Variants in ST7 observed in about 807,000 individuals in gnomAD.
ST7 encodes suppression of tumorigenicity 7.
ST7 carries 28 observed loss-of-function variants against 78.7 expected under a neutral mutation model. The observed-to-expected ratio is 0.36, with a 90% CI of 0.26 to 0.49. The LOEUF is 0.49. ST7 is among the 20% of genes least tolerant of loss of function. ST7 has a pLI of 0.99. For synonymous variants in ST7, 247 were observed against 249.6 expected (o/e 0.99, Z 0.10); for missense variants, 418 against 696.0 (o/e 0.60, Z 4.49).
chr7:117,013,405 C>T (rs888648765), intron 1 of ST7, among the ~76,000 whole-genome samples: 2 of 152,164 alleles, frequency 1.3e-5, no homozygotes, highest in African/African-American at 4.8e-5. Context: ...GCAACAGTGA[C>T]AGGTGAAGTT....
intron 10 of ST7, among the ~76,000 whole-genome samples, chr7:117,176,973 C>T (rs1199496622): frequency 1.3e-5 from 2 of 152,174 alleles, no homozygotes; most frequent in African/African-American, 4.8e-5. Flanking sequence ...TCATGGTTAC[C>T]AGGCAAGTGC....
intron 15 of ST7, among the ~76,000 whole-genome samples, chr7:117,228,801 G>A (rs137937980): frequency 6.6e-6 from 1 of 150,484 alleles, no homozygotes; most frequent in African/African-American, 2.4e-5. Flanking sequence ...TAGTGTAGAT[G>A]GTGCTGTGTA....
Position 117,116,288 on chromosome 7 carries a change from G to T in ST7, c.235-3273G>T, listed in dbSNP as rs192450991. On this transcript the variant is annotated intron_variant, in intron 2 of 15. Coordinates refer to ENST00000323984, the MANE Select transcript of ST7 (RefSeq NM_001369598.1). ...AAACTGTTTTGTTCCACTGTGACAG[G>T]CCCACTGAGCTACTAGCATGTCCAA... Among the ~76,000 whole-genome samples the T allele has an allele frequency of 1.1e-4, 16 of 152,162 alleles. No homozygotes were observed. The East Asian group carries it at 2.5e-3, about 24-fold the overall frequency.
intron 1 of ST7, among the ~76,000 whole-genome samples, chr7:117,049,146 T>C (rs1409703091): frequency 1.3e-5 from 2 of 152,182 alleles, no homozygotes; most frequent in Non-Finnish European, 2.9e-5. Flanking sequence ...GCTTTATAGG[T>C]AAGGGCAGTC....
intron 9 of ST7, among the ~76,000 whole-genome samples, chr7:117,165,885 C>T (rs186142373): frequency 1.3e-4 from 20 of 152,266 alleles, no homozygotes; most frequent in Admixed American, 6.5e-5. Context: ...GAACTGAAAG[C>T]TGTTCTATGC....
At chr7:117,132,522 A>G (rs1474200577) in intron 6 of ST7, among the ~76,000 whole-genome samples, 5 of 151,790 alleles carry the variant, frequency 3.3e-5, no homozygotes, top group African/African-American at 1.2e-4. Flanking sequence ...TTGGAGTCAT[A>G]AAAACTCAGG....
At chr7:117,142,966 GGTGT>G (rs1805451687) in intron 9 of ST7, among the ~76,000 whole-genome samples, 1 of 152,002 alleles carries the variant, frequency 6.6e-6, no homozygotes, top group South Asian at 2.1e-4. Flanking sequence ...CCTTAGTGTG[GGTGT>G]AAGCCTCTGA....
intron 11 of ST7, among the ~76,000 whole-genome samples, chr7:117,189,781 G>A (rs982118174): frequency 2.0e-5 from 3 of 152,170 alleles, no homozygotes; most frequent in Non-Finnish European, 4.4e-5. Flanking sequence ...GAATGTGGCA[G>A]ACAGGATGGT....
intron 1 of ST7, among the ~76,000 whole-genome samples, chr7:116,990,471 AT>A (rs139273798): frequency 1.3e-5 from 2 of 152,324 alleles, no homozygotes; most frequent in Non-Finnish European, 2.9e-5. Context: ...GGGAAACAAC[AT>A]TTTAAAAAAT....
chr7:117,161,739 A>G lies in ST7; in HGVS notation c.964-9123A>G, dbSNP rs182220370. Among the ~76,000 whole-genome samples the G allele has an allele frequency of 2.4e-3, 363 of 151,894 alleles. 2 individuals carry two copies. Among genetic ancestry groups the G allele is most frequent in the African/African-American group, 8.1e-3 (336 of 41,434 alleles). The stretch of plus-strand genomic sequence containing the variant: ...CTCAGCCTCCCAAGTAGCTGGGATT[A>G]CAGGTGTGAGCCATCACATCCAGCC... On this transcript the variant is annotated intron_variant, in intron 9 of 15. Transcript: ENST00000323984.
chr7:117,225,261 A>C (rs1793365013), intron 15 of ST7, among the ~76,000 whole-genome samples: 1 of 152,178 alleles, frequency 6.6e-6, no homozygotes, highest in South Asian at 2.1e-4. Flanking sequence ...TTTGGTTTTG[A>C]GTATAGCATC....
At chr7:117,094,744 G>T (rs184665728) in intron 1 of ST7, among the ~76,000 whole-genome samples, 2 of 152,250 alleles carry the variant, frequency 1.3e-5, no homozygotes, top group Non-Finnish European at 2.9e-5. Context: ...TGGTGACTGG[G>T]TCTCCTATTC....
At chr7:117,130,686 C>T in intron 5 of ST7, 80 bp downstream of exon 5, 2 of 907,254 alleles carry the variant, frequency 2.2e-6, no homozygotes, top group South Asian at 3.1e-5. Flanking sequence ...AGAATATCCA[C>T]TCTGTAAAAC....
At chr7:117,222,375 G>A (rs553336031) in intron 15 of ST7, among the ~76,000 whole-genome samples, 31 of 152,148 alleles carry the variant, frequency 2.0e-4, no homozygotes, top group Non-Finnish European at 4.0e-4. Flanking sequence ...GAAGTTACTC[G>A]GTTTTCTGTA....
chr7:117,014,887 T>C (rs1049764377), intron 1 of ST7: 6 of 823,910 alleles, frequency 7.3e-6, no homozygotes, highest in Admixed American at 8.3e-5. Flanking sequence ...GTGTGCTTCA[T>C]GTCACATGGC....
intron 4 of ST7, 113 bp from the exon 5 acceptor site, chr7:117,130,378 C>A: frequency 4.9e-6 from 3 of 612,006 alleles, no homozygotes; most frequent in Non-Finnish European, 8.0e-6. Context: ...ATTAGCAAAG[C>A]TATTTTAGTA....
intron 1 of ST7, among the ~76,000 whole-genome samples, chr7:117,044,839 A>C (rs1352954426): frequency 6.6e-6 from 1 of 152,148 alleles, no homozygotes; most frequent in African/African-American, 2.4e-5. Context: ...CCCTGAGCTC[A>C]AACCTGCTCA....
chr7:117,001,045 T>C (rs1297899747), intron 1 of ST7, among the ~76,000 whole-genome samples: 1 of 152,256 alleles, frequency 6.6e-6, no homozygotes, highest in Non-Finnish European at 1.5e-5. Context: ...AACATTTTAA[T>C]GTTGTGGTTG....
At chr7:117,095,014 A>G (rs1800916494) in intron 1 of ST7, among the ~76,000 whole-genome samples, 1 of 152,184 alleles carries the variant, frequency 6.6e-6, no homozygotes, top group African/African-American at 2.4e-5. Flanking sequence ...GGATTTCATC[A>G]TGCTGCTTAT....
Sources: gnomAD v4.1 joint callset for allele counts (sites outside exome capture counted in the v4.1 genomes callset) on GRCh38, gnomAD v4.1.1 for gene constraint, MANE v1.5 for transcripts, NCBI Gene and HGNC (gene_info 2026-07-23, HGNC 2026-07-21) for gene names.